XNDC1N: variants seen among roughly 807,000 people sequenced by gnomAD.
XNDC1N encodes protein XNDC1N.
chr11:71,908,769 C>T, the XNDC1N span, among the ~76,000 whole-genome samples: 1 of 152,106 alleles, frequency 6.6e-6, no homozygotes, highest in Admixed American at 6.5e-5. Context: ...TCTTTAACAG[C>T]GAAGAAAGGC....
At chr11:71,906,188 A>G in the XNDC1N span, among the ~76,000 whole-genome samples, 3 of 151,812 alleles carry the variant, frequency 2.0e-5, no homozygotes, top group Non-Finnish European at 4.4e-5. Context: ...CAGGGTGTAC[A>G]CCCCCTGTGA....
the XNDC1N span, among the ~76,000 whole-genome samples, chr11:71,925,746 G>A: frequency 1.3e-5 from 2 of 151,248 alleles, no homozygotes; most frequent in Non-Finnish European, 2.9e-5. Context: ...CGGACGTGGT[G>A]GCGGGGGCCT....
chr11:71,884,493 T>TA, the XNDC1N span: 5 of 1,610,538 alleles, frequency 3.1e-6, no homozygotes, highest in African/African-American at 6.7e-5. Context: ...TGCAATTAGA[T>TA]ACTGTGCTGA....
chr11:71,919,935 T>C, the XNDC1N span, among the ~76,000 whole-genome samples: 7 of 62,156 alleles, frequency 1.1e-4, no homozygotes, highest in Non-Finnish European at 2.0e-4. Context: ...GCCTCTTTTT[T>C]TTTTTTTTTT....
At chr11:71,892,149 G>C in the XNDC1N span, among the ~76,000 whole-genome samples, 3 of 152,122 alleles carry the variant, frequency 2.0e-5, no homozygotes, top group Non-Finnish European at 4.4e-5. Context: ...TGTGACATGA[G>C]GAGTAATATC....
chr11:71,915,955 T>TTG, the XNDC1N span: 188 of 580,640 alleles, frequency 3.2e-4, no homozygotes, highest in Middle Eastern at 1.1e-3. Context: ...ATACTTGTAT[T>TTG]TGTGTGTGTG....
At chr11:71,904,064 G>T in the XNDC1N span, 1 of 522,732 alleles carries the variant, frequency 1.9e-6, no homozygotes, top group Non-Finnish European at 3.8e-6. Context: ...TTCATCTACA[G>T]CCTGAGAAAC....
At chr11:71,907,850 T>C in the XNDC1N span, among the ~76,000 whole-genome samples, 3 of 152,158 alleles carry the variant, frequency 2.0e-5, no homozygotes, top group African/African-American at 7.2e-5. Context: ...CCTTGGAATA[T>C]TTTTAAGGAC....
At chr11:71,889,637 G>C in the XNDC1N span, among the ~76,000 whole-genome samples, 1 of 152,134 alleles carries the variant, frequency 6.6e-6, no homozygotes, top group Non-Finnish European at 1.5e-5. Context: ...TTGTTAGGCC[G>C]GTATTTCTAC....
At chr11:71,924,797 T>A in the XNDC1N span, among the ~76,000 whole-genome samples, 1 of 152,210 alleles carries the variant, frequency 6.6e-6, no homozygotes, top group South Asian at 2.1e-4. Flanking sequence ...ATAATGAACT[T>A]ATGCATCCAT....
the XNDC1N span, among the ~76,000 whole-genome samples, chr11:71,901,263 C>T: frequency 6.6e-6 from 1 of 152,272 alleles, no homozygotes; most frequent in African/African-American, 2.4e-5. Context: ...TTCAAAAATG[C>T]TCCTCCGATG....
At chr11:71,867,231 GA>G in the XNDC1N span, among the ~76,000 whole-genome samples, 1 of 151,946 alleles carries the variant, frequency 6.6e-6, no homozygotes, top group Non-Finnish European at 1.5e-5. Context: ...AGAAATCAAA[GA>G]ACAAATGAAA....
the XNDC1N span, among the ~76,000 whole-genome samples, chr11:71,926,592 C>G: frequency 2.0e-5 from 3 of 152,300 alleles, no homozygotes; most frequent in South Asian, 6.2e-4. Flanking sequence ...ATCCCTACCT[C>G]ACAACGTATC....
chr11:71,903,879 C>A, the XNDC1N span: 1 of 378,468 alleles, frequency 2.6e-6, no homozygotes, highest in Non-Finnish European at 5.2e-6. Context: ...CTGAGGGTTT[C>A]ATCATCAGGT....
chr11:71,908,852 T>C, the XNDC1N span, among the ~76,000 whole-genome samples: 2 of 152,166 alleles, frequency 1.3e-5, no homozygotes, highest in Admixed American at 6.5e-5. Flanking sequence ...CCCAAGAGTA[T>C]GGAAGGGCCC....
chr11:71,922,640 G>A, the XNDC1N span, among the ~76,000 whole-genome samples: 3 of 152,168 alleles, frequency 2.0e-5, no homozygotes. Context: ...GTTTTTGACT[G>A]TCACAATGAC....
chr11:71,892,937 T>A, the XNDC1N span, among the ~76,000 whole-genome samples: 29,964 of 151,948 alleles, frequency 0.2, 5,345 homozygotes, highest in African/African-American at 0.47. Flanking sequence ...GAAAAGTAAT[T>A]GGCATGGGAA....
chr11:71,876,986 AG>A, the XNDC1N span, among the ~76,000 whole-genome samples: 1 of 152,210 alleles, frequency 6.6e-6, no homozygotes, highest in Non-Finnish European at 1.5e-5. Context: ...GCAACTCAGG[AG>A]GAAGGAACTG....
the XNDC1N span, among the ~76,000 whole-genome samples, chr11:71,892,373 T>C: frequency 8.5e-5 from 13 of 152,138 alleles, no homozygotes; most frequent in Non-Finnish European, 1.9e-4. Context: ...AGGAGTCGTA[T>C]CTCTGTAATA....
Sources: gnomAD v4.1 joint callset for allele counts (sites outside exome capture counted in the v4.1 genomes callset) on GRCh38, gnomAD v4.1.1 for gene constraint, MANE v1.5 for transcripts, NCBI Gene and HGNC (gene_info 2026-07-23, HGNC 2026-07-21) for gene names.